The following RPL29 variants were observed in gnomAD, a reference collection of about 807,000 sequenced individuals.
RPL29 encodes large ribosomal subunit protein eL29.
A neutral mutation model predicts 7.2 loss-of-function variants in RPL29; 4 were observed. The observed-to-expected ratio is 0.55, with a 90% CI of 0.27 to 1.26. The LOEUF (loss-of-function observed/expected upper bound fraction) is 1.26, where lower values mean the gene tolerates loss of function less well. RPL29 is among the 50% of genes most tolerant of loss of function. The probability of loss-of-function intolerance (pLI) is 0.11; values close to 1 mark genes in which losing one functional copy is unlikely to be tolerated. For synonymous variants in RPL29, 73 were observed against 72.8 expected, an observed-to-expected ratio of 1.00 and a Z score of -0.01; for missense variants, 148 against 209.1, an observed-to-expected ratio of 0.71 and a Z score of 1.80.
chr3:51,994,202 A>G, intron 3 of RPL29, 76 bp from the exon 4 acceptor site: 1 of 1,491,022 alleles, frequency 6.7e-7, no homozygotes, highest in African/African-American at 1.4e-5. Flanking sequence ...CCATAGGGGT[A>G]CCCAGCATTC....
intron 2 of RPL29, 53 bp from the exon 3 acceptor site, chr3:51,995,159 AC>A: frequency 6.8e-7 from 1 of 1,469,048 alleles, no homozygotes; most frequent in Non-Finnish European, 9.4e-7. Context: ...CTCTAATAAG[AC>A]CACCCAACAT....
chr3:51,995,316 C>T, intron 2 of RPL29, 109 bp downstream of exon 2: 1 of 1,256,188 alleles, frequency 8.0e-7, no homozygotes. Flanking sequence ...TGGGTGAAAT[C>T]AATCAGCCTC....
In RPL29 at chr3:51,994,037, G is replaced by C. The variant is rs1391338536; in HGVS notation, c.192C>G (p.Ala64=). Residue 64 remains alanine (A), a synonymous_variant, in exon 4 of 4, where the codon GCC becomes GCG. Coordinates refer to ENST00000294189, the MANE Select transcript of RPL29 (RefSeq NM_000992.3). ...LKKMQANNAK[A]MSARAEAIKA... ...TGATAGCCTCGGCACGTGCACTCAT[G>C]GCCTTGGCATTGTTGGCCTGCATCT... The C allele has an allele frequency of 6.2e-7, 1 of 1,600,042 alleles. No homozygotes were observed. The highest frequency in any genetic ancestry group is 8.5e-7 in the Non-Finnish European group (1 of 1,179,432).
rs766581795 is a variant in RPL29, at chr3:51,993,866, T to C, written c.363A>G (p.Pro121=). 3 of 1,399,638 alleles carry C rather than the reference T, an allele frequency of 2.1e-6. No individual in the cohort carries two copies. Among genetic ancestry groups the C allele is most frequent in the Non-Finnish European group, 3.0e-6 (3 of 1,009,292 alleles). 86.7% of individuals were successfully genotyped at this position (1,399,638 alleles called of 1,614,324 possible). A position where few individuals can be genotyped will look rare whatever the true frequency, so the allele number is the denominator to read the frequency against. The change falls in exon 4 of 4, where the codon CCA becomes CCG. Residue 121 remains proline, a synonymous_variant. Coordinates refer to ENST00000294189, the MANE Select transcript of RPL29 (RefSeq NM_000992.3). The part of the protein sequence containing the change: ...RIAKGLRLCR[P]KAKAKAKAKD... Reference sequence around the variant, plus strand: ...TGGCCTTGGCCTTGGCCTTGGCCTTTGGCCGGCACAGCCTGAGCCCCTTGG... The same window carrying C: ...TGGCCTTGGCCTTGGCCTTGGCCTTCGGCCGGCACAGCCTGAGCCCCTTGG...
chr3:51,993,884 C>T lies in RPL29; in HGVS notation c.345G>A (p.Gly115=), dbSNP rs1321352254. The T allele has an allele frequency of 1.9e-6, 3 of 1,596,244 alleles. No homozygotes were observed. Among genetic ancestry groups the T allele is most frequent in the East Asian group, 2.2e-5 (1 of 44,896 alleles). Residue 115 remains glycine, a synonymous_variant, in exon 4 of 4, where the codon GGG becomes GGA. Coordinates refer to ENST00000294189, the MANE Select transcript of RPL29 (RefSeq NM_000992.3). ...GKRARARIAK[G]LRLCRPKAKA... ...TGGCCTTTGGCCGGCACAGCCTGAG[C>T]CCCTTGGCAATACGGGCACGAGCAC...
intron 3 of RPL29, chr3:51,994,386 TG>T: frequency 2.1e-6 from 1 of 466,818 alleles, no homozygotes; most frequent in Non-Finnish European, 3.8e-6. Flanking sequence ...GCCAAGGTTG[TG>T]GGGCTTCAAC....
chr3:51,995,212 G>C (rs1701298686), intron 2 of RPL29, 106 bp from the exon 3 acceptor site: 2 of 1,074,154 alleles, frequency 1.9e-6, no homozygotes, highest in African/African-American at 1.6e-5. Flanking sequence ...TCCTACAGCA[G>C]CTACACTTGA....
At chr3:51,995,172 A>G in intron 2 of RPL29, 66 bp from the exon 3 acceptor site, 1 of 1,389,594 alleles carries the variant, frequency 7.2e-7, no homozygotes, top group East Asian at 2.3e-5. Context: ...ACCCAACATC[A>G]CAGCTGGCAA....
At chr3:51,995,699 C>T in intron 1 of RPL29, 158 bp downstream of exon 1, 2 of 562,676 alleles carry the variant, frequency 3.6e-6, no homozygotes, top group Non-Finnish European at 3.2e-6. Context: ...AGTGGCTTTC[C>T]CTGCCATCCC....
In RPL29 at chr3:51,995,512, C is replaced by T. The variant is rs1217950920; in HGVS notation, c.-8-43G>A. The T allele has an allele frequency of 1.9e-6, 3 of 1,592,694 alleles. No homozygotes were observed. In the East Asian group the frequency reaches 6.7e-5, roughly 36 times the overall value. On this transcript the variant is annotated intron_variant, in intron 1 of 3. Transcript: ENST00000294189. Reference sequence around the variant, plus strand: ...AGATCAGGGTTAAGGGCTCGCCAGGCTGGGCCACCTCTGCCCCCCCCATTC... The same window carrying T: ...AGATCAGGGTTAAGGGCTCGCCAGGTTGGGCCACCTCTGCCCCCCCCATTC...
At chr3:51,995,236 C>G in intron 2 of RPL29, 130 bp from the exon 3 acceptor site, 1 of 991,050 alleles carries the variant, frequency 1.0e-6, no homozygotes, top group Non-Finnish European at 1.6e-6. Flanking sequence ...ATGGGAAACC[C>G]TTACTACTAA....
At position 51,995,527 on chromosome 3, in the gene RPL29, C is replaced by G. The variant is rs554746422; in HGVS notation, c.-8-58G>C. 3.5e-5 allele frequency: 53 copies of G among 1,530,332 alleles called. No homozygotes were observed. The African/African-American group carries it at 6.8e-4, about 20-fold the overall frequency. The allele number at this position is 1,530,332 out of a possible 1,614,324, so 94.8% of individuals were successfully genotyped here. On this transcript the variant is annotated intron_variant, in intron 1 of 3. Coordinates refer to ENST00000294189, the MANE Select transcript of RPL29 (RefSeq NM_000992.3). ...GCTCGCCAGGCTGGGCCACCTCTGC[C>G]CCCCCCATTCTGGTCAGAATGAGCC...
intron 3 of RPL29, chr3:51,994,509 A>G (rs1402427860): frequency 3.0e-6 from 1 of 335,878 alleles, no homozygotes; most frequent in Non-Finnish European, 5.5e-6. Context: ...CAAAAGACTT[A>G]TAGCCAAGGT....
rs1489239470 is a variant in RPL29 at position 51,994,282 on chromosome 3, G to A, written c.103-156C>T. On this transcript the variant is annotated intron_variant, in intron 3 of 3. Transcript: ENST00000294189. ...TCTTGAAACTATTTCCAGAGAAAGT[G>A]TACCACCACCCCAGGGAGCCAATAC... The A allele has an allele frequency of 1.5e-5, 15 of 1,018,320 alleles. No homozygotes were observed. In the African/African-American group the frequency reaches 2.3e-4, roughly 15 times the overall value. The allele number at this position is 1,018,320 out of a possible 1,614,324, so 63.1% of individuals were successfully genotyped here.
intron 1 of RPL29, 43 bp downstream of exon 1, chr3:51,995,813 CG>C (rs1701307898): frequency 3.1e-6 from 1 of 325,486 alleles, no homozygotes; most frequent in East Asian, 6.9e-5. Flanking sequence ...CGCCGCCACC[CG>C]TAAGTCGCGG....
In RPL29 at chr3:51,993,998, C is replaced by A; in HGVS notation, c.231G>T (p.Lys77Asn). 6.3e-7 allele frequency: 1 copy of A among 1,598,204 alleles called. No individual in the cohort carries two copies. The highest frequency in any genetic ancestry group is 1.1e-5 in the South Asian group (1 of 91,032). ...GGATCTTGGGCTTAACCTCCTTGGG[C>A]TTTACGAGGGCCTTGATAGCCTCGG... is the stretch of plus-strand genomic sequence containing the variant. ...ARAEAIKALV[K>N]PKEVKPKIPK... Residue 77 changes from lysine (K) to asparagine (N), a missense_variant, in exon 4 of 4, where the codon AAG becomes AAT. Physicochemically the swap from Lys to Asn is moderately conservative, Grantham distance 94 (BLOSUM62 0). Coordinates refer to ENST00000294189, the MANE Select transcript of RPL29 (RefSeq NM_000992.3).
intron 3 of RPL29, chr3:51,994,655 AC>A: frequency 1.8e-6 from 1 of 567,104 alleles, no homozygotes; most frequent in Non-Finnish European, 3.2e-6. Flanking sequence ...AATCCTTAGA[AC>A]CCCCTGACAC....
At chr3:51,994,852 T>C (rs757110900) in intron 3 of RPL29, 190 bp downstream of exon 3, 2 of 733,506 alleles carry the variant, frequency 2.7e-6, no homozygotes, top group Admixed American at 3.9e-5. Flanking sequence ...AGGGTTACAC[T>C]TCAGGCTGTG....
chr3:51,995,492 AGG>A (rs752047850), intron 1 of RPL29, 23 bp from the exon 2 acceptor site: 5 of 1,612,722 alleles, frequency 3.1e-6, no homozygotes, highest in Non-Finnish European at 4.2e-6. Context: ...AGTGGAGATC[AGG>A]GTTAAGGGCT....
Sources: gnomAD v4.1 joint callset for allele counts on GRCh38, gnomAD v4.1.1 for gene constraint, MANE v1.5 for transcripts, NCBI Gene and HGNC (gene_info 2026-07-23, HGNC 2026-07-21) for gene names.